CACNG3: variants seen among roughly 807,000 people sequenced by gnomAD.
The protein encoded by CACNG3 is calcium voltage-gated channel auxiliary subunit gamma 3, also known as voltage-dependent calcium channel gamma-3 subunit.
A neutral mutation model predicts 28.5 loss-of-function variants in CACNG3; 3 were observed. That is an observed-to-expected ratio of 0.11 (90% CI 0.05 to 0.27). CACNG3 has a LOEUF of 0.27. Among genes scored for constraint, CACNG3 ranks in the 10% least tolerant of loss-of-function variants. The probability of loss-of-function intolerance (pLI) is 1.00; values close to 1 mark genes in which losing one functional copy is unlikely to be tolerated. For synonymous variants in CACNG3, 174 were observed against 162.2 expected (o/e 1.07, Z -0.55); for missense variants, 236 against 414.4 (o/e 0.57, Z 3.74).
chr16:24,299,237 A>C (rs1899074463), intron 1 of CACNG3, among the ~76,000 whole-genome samples: 1 of 152,164 alleles, frequency 6.6e-6, no homozygotes, highest in Non-Finnish European at 1.5e-5. Context: ...TATTTACATC[A>C]GTATGGACTC....
intron 1 of CACNG3, among the ~76,000 whole-genome samples, chr16:24,346,186 A>G (rs1899864194): frequency 6.6e-6 from 1 of 152,246 alleles, no homozygotes; most frequent in African/African-American, 2.4e-5. Context: ...TCCCAACATC[A>G]TGCAAAATCT....
chr16:24,302,866 G>A (rs975400914), intron 1 of CACNG3, among the ~76,000 whole-genome samples: 1 of 152,022 alleles, frequency 6.6e-6, no homozygotes, highest in Admixed American at 6.6e-5. Flanking sequence ...CACCATGTTG[G>A]CCAGGCCGGT....
chr16:24,277,431 C>A (rs2238504), intron 1 of CACNG3, among the ~76,000 whole-genome samples: 97,180 of 151,902 alleles, frequency 0.64, 31,219 homozygotes, highest in East Asian at 0.7. Context: ...TACAACACAG[C>A]ATTACCCAGT....
At position 24,275,518 on chromosome 16, in the gene CACNG3, A is replaced by G. The variant is rs9921794; in HGVS notation, c.211+18553A>G. Among the ~76,000 whole-genome samples, 279 of 152,376 alleles carry G rather than the reference A, an allele frequency of 1.8e-3. 1 individual carries two copies. Among genetic ancestry groups the G allele is most frequent in the African/African-American group, 6.1e-3 (255 of 41,604 alleles). On this transcript the variant is annotated intron_variant, in intron 1 of 3. Coordinates refer to ENST00000005284, the MANE Select transcript of CACNG3 (RefSeq NM_006539.4). ...CTAGTGGTCTCAAGCAAAGGCACTT[A>G]TGCGACTGAGTTGCGAGCTGAACTA...
At chr16:24,359,610 C>T (rs1245448748) in intron 3 of CACNG3, among the ~76,000 whole-genome samples, 1 of 151,930 alleles carries the variant, frequency 6.6e-6, no homozygotes, top group Non-Finnish European at 1.5e-5. Context: ...GTCTGTAATC[C>T]CAACATTTTG....
In CACNG3 at chr16:24,341,405, T is replaced by C. The variant is rs374050435; in HGVS notation, c.212-5329T>C. 3.9e-5 allele frequency among the ~76,000 whole-genome samples: 6 copies of C among 152,322 alleles called. No individual in the cohort carries two copies. The South Asian group carries it at 6.2e-4, about 16-fold the overall frequency. On this transcript the variant is annotated intron_variant, in intron 1 of 3. Coordinates refer to ENST00000005284, the MANE Select transcript of CACNG3 (RefSeq NM_006539.4). ...CACCATGGCGCCAATGTGTCTCTTG[T>C]GATCCTAAAGTACCTACCAAAACCA... is the stretch of plus-strand genomic sequence containing the variant.
At chr16:24,315,418 T>TCTCC (rs547493647) in intron 1 of CACNG3, among the ~76,000 whole-genome samples, 7,842 of 148,492 alleles carry the variant, frequency 0.053, 269 homozygotes, top group Non-Finnish European at 0.084. Flanking sequence ...CATCATCATC[T>TCTCC]CTCCCTCCCT....
intron 3 of CACNG3, among the ~76,000 whole-genome samples, chr16:24,360,836 G>A (rs972165803): frequency 6.6e-6 from 1 of 152,134 alleles, no homozygotes; most frequent in Non-Finnish European, 1.5e-5. Context: ...GCAGGATCCG[G>A]CTCAAATGTC....
intron 1 of CACNG3, among the ~76,000 whole-genome samples, chr16:24,262,202 C>A (rs867567222): frequency 6.6e-6 from 1 of 152,126 alleles, no homozygotes; most frequent in Non-Finnish European, 1.5e-5. Context: ...TCAGAATGTG[C>A]TGGAGTTCTC....
chr16:24,262,826 C>G (rs1369687216), intron 1 of CACNG3, among the ~76,000 whole-genome samples: 1 of 152,196 alleles, frequency 6.6e-6, no homozygotes, highest in Non-Finnish European at 1.5e-5. Flanking sequence ...TTGTTTCAAT[C>G]TCTGAAATTT....
rs377185822 is a variant in CACNG3 at position 24,346,715 on chromosome 16, C to A, written c.212-19C>A. 3.7e-5 allele frequency: 59 copies of A among 1,600,936 alleles called. No homozygotes were observed. In the African/African-American group the frequency reaches 7.5e-4, roughly 20 times the overall value. ...TCTGTCTCCTCCCCCAGGCTCAGAACCCTTATCTGTTTCCACAGGGGCTTT... is the reference window on the plus strand; with the variant it reads ...TCTGTCTCCTCCCCCAGGCTCAGAAACCTTATCTGTTTCCACAGGGGCTTT... On this transcript the variant is annotated intron_variant, in intron 1 of 3. Coordinates refer to ENST00000005284, the MANE Select transcript of CACNG3 (RefSeq NM_006539.4).
At chr16:24,275,974 C>G (rs1319191914) in intron 1 of CACNG3, among the ~76,000 whole-genome samples, 1 of 152,204 alleles carries the variant, frequency 6.6e-6, no homozygotes, top group Non-Finnish European at 1.5e-5. Context: ...TGCAACTAGC[C>G]TTTAAGGAAC....
At chr16:24,312,890 GAA>G (rs1335399592) in intron 1 of CACNG3, among the ~76,000 whole-genome samples, 2 of 121,668 alleles carry the variant, frequency 1.6e-5, no homozygotes, top group East Asian at 4.6e-4. Flanking sequence ...AAAAAAGAAA[GAA>G]AAGGAAAGAA....
chr16:24,290,915 A>T (rs1435686170), intron 1 of CACNG3, among the ~76,000 whole-genome samples: 1 of 152,174 alleles, frequency 6.6e-6, no homozygotes, highest in Non-Finnish European at 1.5e-5. Context: ...TAAGAGGATG[A>T]TGTGTCACAT....
At chr16:24,269,269 A>AT (rs1013772887) in intron 1 of CACNG3, among the ~76,000 whole-genome samples, 8 of 152,278 alleles carry the variant, frequency 5.3e-5, no homozygotes, top group African/African-American at 1.9e-4. Context: ...TACACCTTGA[A>AT]TTTTTTTCCA....
chr16:24,286,433 CAT>C (rs869264438), intron 1 of CACNG3, among the ~76,000 whole-genome samples: 1,745 of 61,188 alleles, frequency 0.029, 16 homozygotes, highest in South Asian at 0.079. Context: ...CACACACACA[CAT>C]ATATATATAT....
chr16:24,327,580 G>A (rs1304092196), intron 1 of CACNG3, among the ~76,000 whole-genome samples: 8 of 149,082 alleles, frequency 5.4e-5, no homozygotes, highest in East Asian at 2.0e-4. Flanking sequence ...TGATTGTACC[G>A]CTGCACTCCA....
chr16:24,325,819 G>A (rs1899533286), intron 1 of CACNG3, among the ~76,000 whole-genome samples: 1 of 152,244 alleles, frequency 6.6e-6, no homozygotes, highest in Non-Finnish European at 1.5e-5. Flanking sequence ...ATAAATGGTA[G>A]GTGCTGCTGT....
intron 1 of CACNG3, among the ~76,000 whole-genome samples, chr16:24,286,149 A>G (rs9921732): frequency 0.08 from 12,203 of 152,206 alleles, 902 homozygotes; most frequent in East Asian, 0.4. Flanking sequence ...CAGTTTATTC[A>G]ACATGCCTTT....
Sources: gnomAD v4.1 joint callset for allele counts (sites outside exome capture counted in the v4.1 genomes callset) on GRCh38, gnomAD v4.1.1 for gene constraint, MANE v1.5 for transcripts, NCBI Gene and HGNC (gene_info 2026-07-23, HGNC 2026-07-21) for gene names.